Variants in HOOK2 observed in about 807,000 individuals in gnomAD.
HOOK2 encodes protein Hook homolog 2.
HOOK2 carries 108 observed loss-of-function variants against 111.9 expected under a neutral mutation model. The ratio of observed to expected loss-of-function variants is 0.96; its 90% CI spans 0.83 to 1.13. The LOEUF is 1.13. Among genes scored for constraint, HOOK2 ranks in the 50% most tolerant of loss-of-function variants. The pLI, the probability that HOOK2 is intolerant of heterozygous loss-of-function variation, is 0.00. For missense variants in HOOK2, 978 were observed against 951.3 expected (o/e 1.03, Z -0.37); for synonymous variants, 405 against 394.3 (o/e 1.03, Z -0.32).
At chr19:12,766,536 G>A (rs1968154037) in intron 14 of HOOK2, 1 of 406,952 alleles carries the variant, frequency 2.5e-6, no homozygotes, top group Non-Finnish European at 4.4e-6. Flanking sequence ...GGAAGAACTA[G>A]GATGGGACAG....
At chr19:12,773,231 CTTTTT>C (rs373156108) in intron 3 of HOOK2, 187 bp from the exon 4 acceptor site, 3,065 of 252,452 alleles carry the variant, frequency 0.012, no homozygotes, top group East Asian at 0.021. Context: ...ATCTTTGTTT[CTTTTT>C]TTTTTTTTTT....
rs567871988 is a variant in HOOK2 at position 12,766,294 on chromosome 19, G to C, written c.1374-54C>G. On this transcript the variant is annotated intron_variant, in intron 14 of 22. Coordinates refer to ENST00000397668, the MANE Select transcript of HOOK2 (RefSeq NM_013312.3). Reference sequence around the variant, plus strand: ...CAGGGTCGAGTCACCTCGCAGGCTCGCTGGGGCTCAGGGAGAGTGGAGCTA... The same window carrying C: ...CAGGGTCGAGTCACCTCGCAGGCTCCCTGGGGCTCAGGGAGAGTGGAGCTA... 8.8e-6 allele frequency: 13 copies of C among 1,478,562 alleles called. No homozygotes were observed. In the East Asian group the frequency reaches 2.5e-4, roughly 28 times the overall value. The allele number at this position is 1,478,562 out of a possible 1,614,324, so 91.6% of individuals were successfully genotyped here. A position where few individuals can be genotyped will look rare whatever the true frequency, so the allele number is the denominator to read the frequency against.
chr19:12,789,969 A>G (rs1342808686), intron 3 of HOOK2, among the ~76,000 whole-genome samples: 1 of 151,868 alleles, frequency 6.6e-6, no homozygotes, highest in Non-Finnish European at 1.5e-5. Flanking sequence ...CGGCGGGGAG[A>G]GACTTCGGGG....
chr19:12,765,069 A>G lies in HOOK2; in HGVS notation c.1653T>C (p.His551=). The stretch of plus-strand genomic sequence containing the variant: ...TCCTCTGCAACTCCAGATCTGCCTC[A>G]TGAAGCTTCTGCCTGTGGGCCGGGG... The part of the protein sequence containing the change: ...RKLEEHLQKL[H]EADLELQRKR... Residue 551 remains histidine (H), a synonymous_variant, in exon 19 of 23, where the codon CAT becomes CAC. Coordinates refer to ENST00000397668, the MANE Select transcript of HOOK2 (RefSeq NM_013312.3). 1.2e-6 allele frequency: 2 copies of G among 1,614,132 alleles called. No homozygotes were observed. The highest frequency in any genetic ancestry group is 1.7e-6 in the Non-Finnish European group (2 of 1,180,020).
At chr19:12,777,394 C>T (rs1057020929), upstream of HOOK2, among the ~76,000 whole-genome samples, 1 of 149,138 alleles carries the variant, frequency 6.7e-6, no homozygotes, top group Non-Finnish European at 1.5e-5. Context: ...GTGGGAGGAT[C>T]GCTTGAGTCC....
At chr19:12,777,896 A>G (rs1968558063), upstream of HOOK2, among the ~76,000 whole-genome samples, 1 of 152,254 alleles carries the variant, frequency 6.6e-6, no homozygotes, top group African/African-American at 2.4e-5. Context: ...TACTGTATGC[A>G]GTCCTTGCGC....
upstream of HOOK2, among the ~76,000 whole-genome samples, chr19:12,783,017 C>T (rs902187077): frequency 2.6e-5 from 4 of 152,056 alleles, no homozygotes; most frequent in South Asian, 2.1e-4. Context: ...CTCGTGATCC[C>T]GGGAGAAGGG....
rs557272806 is a variant in HOOK2 at position 12,772,695 on chromosome 19, G to T, written c.389-15C>A. 3.1e-5 allele frequency: 50 copies of T among 1,614,054 alleles called. No individual in the cohort carries two copies. The highest frequency in any genetic ancestry group is 5.5e-5 in the South Asian group (5 of 91,092). ...CTGGATGTGGTCTGGGGATCAAGGT[G>T]GGGGAGGCTGAGACCCAGGGGTGAG... is the stretch of plus-strand genomic sequence containing the variant. On this transcript the variant is annotated splice_polypyrimidine_tract_variant and intron_variant, in intron 5 of 22. Transcript: ENST00000397668.
chr19:12,776,376 T>G (rs1359878097), upstream of HOOK2, among the ~76,000 whole-genome samples: 1 of 149,772 alleles, frequency 6.7e-6, no homozygotes, highest in Non-Finnish European at 1.5e-5. Flanking sequence ...GAGACCAGCC[T>G]CTCTTCAAAA....
Position 12,773,010 on chromosome 19 carries a change from A to T in HOOK2, c.239T>A (p.Val80Glu), listed in dbSNP as rs765478523. 1 of 1,614,086 alleles carries T rather than the reference A, an allele frequency of 6.2e-7. No homozygotes were observed. Among genetic ancestry groups the T allele is most frequent in the Non-Finnish European group, 8.5e-7 (1 of 1,180,016 alleles). The stretch of plus-strand genomic sequence containing the variant: ...GTTACTCACATCCTGGGAGTACTCT[A>T]CTAGGCTCCGTAAGACCATCTTCAG... ...SNLKMVLRSLVEYSQDVLAHP... is the reference protein window; with the variant it reads ...SNLKMVLRSLEEYSQDVLAHP... Residue 80 changes from valine (V) to glutamate (E), a missense_variant, in exon 4 of 23, where the codon GTA becomes GAA. This residue lies in a region of HOOK2 where 301 missense variants were observed against 286.1 expected (regional missense o/e 1.05). Coordinates refer to ENST00000397668, the MANE Select transcript of HOOK2 (RefSeq NM_013312.3).
chr19:12,763,823 C>G (rs776454204), intron 20 of HOOK2, 45 bp from the exon 21 acceptor site: 1 of 1,357,618 alleles, frequency 7.4e-7, no homozygotes, highest in East Asian at 2.3e-5. Flanking sequence ...GGCCTTGAAA[C>G]CCCCTGGGAC....
In HOOK2 at chr19:12,765,086, G is replaced by A; in HGVS notation, c.1641-5C>T. 1.2e-6 allele frequency: 2 copies of A among 1,614,074 alleles called. No homozygotes were observed. Among genetic ancestry groups the A allele is most frequent in the Non-Finnish European group, 1.7e-6 (2 of 1,179,982 alleles). On this transcript the variant is annotated splice_region_variant and splice_polypyrimidine_tract_variant and intron_variant, in intron 18 of 22. Transcript: ENST00000397668. ...TCTGCCTCATGAAGCTTCTGCCTGTGGGCCGGGGATGAGCAGCAGTGGGCT... is the reference window on the plus strand; with the variant it reads ...TCTGCCTCATGAAGCTTCTGCCTGTAGGCCGGGGATGAGCAGCAGTGGGCT...
upstream of HOOK2, among the ~76,000 whole-genome samples, chr19:12,780,517 T>C (rs1324251719): frequency 1.3e-5 from 2 of 150,878 alleles, no homozygotes; most frequent in African/African-American, 2.4e-5. Flanking sequence ...CCACCAGGTG[T>C]GGCTAATTTT....
At chr19:12,766,059 C>T in intron 15 of HOOK2, 44 bp downstream of exon 15, 1 of 1,607,104 alleles carries the variant, frequency 6.2e-7, no homozygotes, top group Non-Finnish European at 8.5e-7. Context: ...CACTTTTGGC[C>T]CCCTCTGTCC....
At chr19:12,765,646 C>T in intron 18 of HOOK2, 44 bp downstream of exon 18, 1 of 1,612,284 alleles carries the variant, frequency 6.2e-7, no homozygotes. Flanking sequence ...CCACTAATAT[C>T]AAATCCATGC....
chr19:12,774,613 C>T, intron 3 of HOOK2, 56 bp downstream of exon 3: 2 of 1,552,924 alleles, frequency 1.3e-6, no homozygotes, highest in Non-Finnish European at 8.9e-7. Flanking sequence ...CCTAGCTGGC[C>T]CGTCCCTGGT....
At position 12,765,953 on chromosome 19, in the gene HOOK2, G is replaced by T; in HGVS notation, c.1573C>A (p.Gln525Lys). 6.2e-7 allele frequency: 1 copy of T among 1,614,074 alleles called. No homozygotes were observed. Among genetic ancestry groups the T allele is most frequent in the South Asian group, 1.1e-5 (1 of 91,086 alleles). The part of the protein sequence containing the change: ...AQVEDLQKAL[Q>K]EQGGKTEDAI... ...TCTTCAGTCTTGCCCCCCTGCTCCT[G>T]CAGGGCTTTCTGCAGGTCCTCCACC... Residue 525 changes from glutamine (Q) to lysine (K), a missense_variant, in exon 16 of 23, where the codon CAG becomes AAG. By Grantham distance (53) the Gln-to-Lys change is moderately conservative (BLOSUM62 1). Around this residue, in one of 5 missense-constraint regions of HOOK2, gnomAD observed 277 missense variants for 265.8 expected, o/e 1.04. Coordinates refer to ENST00000397668, the MANE Select transcript of HOOK2 (RefSeq NM_013312.3).
At chr19:12,775,022 G>A (rs1012114868) in intron 1 of HOOK2, 125 bp from the exon 2 acceptor site, 17 of 1,127,338 alleles carry the variant, frequency 1.5e-5, no homozygotes, top group African/African-American at 1.1e-4. Flanking sequence ...CGCCACAGCA[G>A]CTCTGCGAGG....
chr19:12,764,159 C>T (rs779878061), intron 20 of HOOK2, among the ~76,000 whole-genome samples: 8 of 151,468 alleles, frequency 5.3e-5, no homozygotes, highest in Non-Finnish European at 1.0e-4. Flanking sequence ...GGATTACAGG[C>T]GCATGTTACC....
Sources: allele counts gnomAD v4.1 joint callset (sites outside exome capture counted in the v4.1 genomes callset), GRCh38; gene constraint gnomAD v4.1.1; regional missense constraint gnomAD v4.1.1; transcripts MANE v1.5; gene names NCBI Gene and HGNC (gene_info 2026-07-23, HGNC 2026-07-21).